LRP1B: variants seen among roughly 807,000 people sequenced by gnomAD.
The protein encoded by LRP1B is LDL receptor related protein 1B, also known as low-density lipoprotein receptor-related protein 1B.
In LRP1B, 217 loss-of-function variants were observed where a neutral mutation model predicts 556.6. The ratio of observed to expected loss-of-function variants is 0.39; its 90% CI spans 0.35 to 0.44. LRP1B has a LOEUF of 0.44. Among genes scored for constraint, LRP1B ranks in the 20% least tolerant of loss-of-function variants. The pLI is 1.00. For synonymous variants in LRP1B, 2,047 were observed against 1,865.8 expected, an observed-to-expected ratio of 1.10 and a Z score of -2.50; for missense variants, 5,053 against 5,620.8, an observed-to-expected ratio of 0.90 and a Z score of 3.23.
chr2:141,205,334 A>C (rs1573648444), intron 6 of LRP1B, among the ~76,000 whole-genome samples: 1 of 152,240 alleles, frequency 6.6e-6, no homozygotes, highest in East Asian at 1.9e-4. Flanking sequence ...TGAGTTTATC[A>C]GAATAATTAC....
chr2:141,508,085 C>CCCG (rs1490408877), intron 2 of LRP1B, among the ~76,000 whole-genome samples: 6 of 29,400 alleles, frequency 2.0e-4, no homozygotes, highest in African/African-American at 3.1e-4. Context: ...GACTCCATCC[C>CCCG]CCCCCCAAAA....
At chr2:140,755,898 G>C (rs541003067) in intron 35 of LRP1B, among the ~76,000 whole-genome samples, 1 of 152,000 alleles carries the variant, frequency 6.6e-6, no homozygotes, top group South Asian at 2.1e-4. Flanking sequence ...AGGCACCTAA[G>C]TTGGAAATGA....
At chr2:141,154,361 C>G (rs10204206) in intron 7 of LRP1B, among the ~76,000 whole-genome samples, 5,935 of 151,722 alleles carry the variant, frequency 0.039, 268 homozygotes, top group African/African-American at 0.11. Context: ...ATCCCTTATT[C>G]TTATTTTATT....
At chr2:141,503,936 A>C (rs1186460652) in intron 2 of LRP1B, among the ~76,000 whole-genome samples, 1 of 45,830 alleles carries the variant, frequency 2.2e-5, no homozygotes, top group Non-Finnish European at 5.7e-5. Context: ...TAAGTATTTT[A>C]CTCCATGTGT....
In LRP1B at chr2:141,229,298, A is replaced by G; in HGVS notation, c.735T>C (p.Asp245=). 6.2e-7 allele frequency: 1 copy of G among 1,612,598 alleles called. No individual in the cohort carries two copies. The highest frequency in any genetic ancestry group is 2.2e-5 in the East Asian group (1 of 44,754). ...IHTLDFIYNE[D]MICWIESRES... ...CTCTTGATTCAATCCAACAAATCAT[A>G]TCTTCATTATAAATAAAATCCAGAG... The change falls in exon 6 of 91, where the codon GAT becomes GAC. Residue 245 remains aspartate, a synonymous_variant. Transcript: ENST00000389484.
At chr2:141,346,997 T>TA (rs1337642307) in intron 3 of LRP1B, among the ~76,000 whole-genome samples, 4 of 152,120 alleles carry the variant, frequency 2.6e-5, no homozygotes, top group Non-Finnish European at 5.9e-5. Flanking sequence ...TTAACCGGAA[T>TA]AAAAATTTTC....
At chr2:140,936,444 C>A (rs1042083832) in intron 20 of LRP1B, among the ~76,000 whole-genome samples, 9 of 151,126 alleles carry the variant, frequency 6.0e-5, no homozygotes, top group African/African-American at 2.2e-4. Context: ...AACTGCCCTT[C>A]AAAATTGAAG....
chr2:141,886,257 G>T (rs1699106661), intron 1 of LRP1B, among the ~76,000 whole-genome samples: 1 of 152,062 alleles, frequency 6.6e-6, no homozygotes, highest in African/African-American at 2.4e-5. Context: ...TCAGTTGTTA[G>T]TATTTTTCGC....
chr2:140,716,659 AG>A, intron 36 of LRP1B, 22 bp downstream of exon 36: 1 of 1,582,788 alleles, frequency 6.3e-7, no homozygotes, highest in Non-Finnish European at 8.6e-7. Flanking sequence ...TGAAACAGAA[AG>A]ATAAAAAGCC....
intron 1 of LRP1B, among the ~76,000 whole-genome samples, chr2:141,931,023 C>A (rs933049785): frequency 2.0e-5 from 3 of 152,020 alleles, no homozygotes; most frequent in Non-Finnish European, 2.9e-5. Flanking sequence ...TTGGTGCTTA[C>A]ATGACCAATA....
chr2:142,085,942 C>A (rs946440351), intron 1 of LRP1B, among the ~76,000 whole-genome samples: 1 of 152,192 alleles, frequency 6.6e-6, no homozygotes, highest in African/African-American at 2.4e-5. Context: ...TTTGATCCAC[C>A]TCTCAGTGTA....
intron 7 of LRP1B, among the ~76,000 whole-genome samples, chr2:141,094,273 T>G (rs1291397860): frequency 6.6e-6 from 1 of 152,190 alleles, no homozygotes; most frequent in Non-Finnish European, 1.5e-5. Flanking sequence ...TCTAAAATAT[T>G]AAATGGCACT....
intron 1 of LRP1B, among the ~76,000 whole-genome samples, chr2:142,093,712 T>G (rs1279318298): frequency 2.0e-5 from 3 of 151,956 alleles, no homozygotes; most frequent in African/African-American, 7.3e-5. Context: ...GTGTGACAGC[T>G]GCATTAAAGA....
intron 25 of LRP1B, among the ~76,000 whole-genome samples, chr2:140,871,297 A>C (rs1383713547): frequency 6.6e-6 from 1 of 152,196 alleles, no homozygotes; most frequent in East Asian, 1.9e-4. Flanking sequence ...ACACAGAATG[A>C]TTAGCACAGA....
intron 7 of LRP1B, among the ~76,000 whole-genome samples, chr2:141,108,876 A>ATAG (rs1700678812): frequency 6.6e-6 from 1 of 152,168 alleles, no homozygotes; most frequent in Non-Finnish European, 1.5e-5. Context: ...TTAAATGATA[A>ATAG]TAGCCCTTCT....
chr2:142,107,794 A>ATTTTTTTTTTT (rs67962280), intron 1 of LRP1B, among the ~76,000 whole-genome samples: 346 of 110,550 alleles, frequency 3.1e-3, no homozygotes, highest in Non-Finnish European at 4.6e-3. Context: ...CGCCTAGCTA[A>ATTTTTTTTTTT]TTTTTTTTTT....
At chr2:140,882,876 AT>A (rs1693516928) in intron 25 of LRP1B, among the ~76,000 whole-genome samples, 1 of 152,112 alleles carries the variant, frequency 6.6e-6, no homozygotes, top group South Asian at 2.1e-4. Context: ...CCTGGACTTG[AT>A]ATTACCTAAA....
intron 11 of LRP1B, among the ~76,000 whole-genome samples, chr2:141,023,658 C>T (rs117851092): frequency 0.014 from 2,146 of 151,906 alleles, 69 homozygotes; most frequent in East Asian, 0.13. Flanking sequence ...TAAAATGGGT[C>T]CATGATTTTT....
chr2:140,305,914 G>A (rs1410269803), intron 83 of LRP1B, among the ~76,000 whole-genome samples: 1 of 151,856 alleles, frequency 6.6e-6, no homozygotes, highest in East Asian at 1.9e-4. Context: ...AGATAACCAT[G>A]TGGTTTTTGT....
Sources: allele counts gnomAD v4.1 joint callset (sites outside exome capture counted in the v4.1 genomes callset), GRCh38; gene constraint gnomAD v4.1.1; transcripts MANE v1.5; gene names NCBI Gene and HGNC (gene_info 2026-07-23, HGNC 2026-07-21).